YBEY: variants seen among roughly 807,000 people sequenced by gnomAD.
YBEY encodes ybeY metalloendoribonuclease.
YBEY carries 15 observed loss-of-function variants against 13.5 expected under a neutral mutation model. The observed-to-expected ratio is 1.11, with a 90% confidence interval of 0.75 to 1.72. The LOEUF (loss-of-function observed/expected upper bound fraction) is 1.72. YBEY is among the 40% of genes most tolerant of loss of function. The probability of loss-of-function intolerance (pLI) is 0.00; values close to 1 mark genes in which losing one functional copy is unlikely to be tolerated. For synonymous variants in YBEY, 101 were observed against 83.1 expected (o/e 1.21, Z -1.17); for missense variants, 244 against 208.4 (o/e 1.17, Z -1.05).
At chr21:46,301,603 C>T (rs1056617846), downstream of YBEY, 608 of 1,012,686 alleles carry the variant, frequency 6.0e-4, no homozygotes, top group Non-Finnish European at 6.2e-4. Flanking sequence ...TTTTCTTAAA[C>T]TCTTTCTGGA....
At chr21:46,309,553 T>G in the YBEY span, among the ~76,000 whole-genome samples, 2 of 151,820 alleles carry the variant, frequency 1.3e-5, no homozygotes, top group Non-Finnish European at 2.9e-5. Context: ...CATAACAAAC[T>G]GATATATTCA....
chr21:46,309,682 G>T, the YBEY span, among the ~76,000 whole-genome samples: 2 of 151,988 alleles, frequency 1.3e-5, no homozygotes, highest in Non-Finnish European at 1.5e-5. Flanking sequence ...TACATACTGT[G>T]TAGACCATTT....
intron 3 of YBEY, 86 bp downstream of exon 3, chr21:46,291,548 TGTGTCCGTGG>T: frequency 3.2e-6 from 5 of 1,575,156 alleles, no homozygotes; most frequent in Non-Finnish European, 4.3e-6. Context: ...TGCATCCATG[TGTGTCCGTGG>T]GTACCGTAAG....
downstream of YBEY, among the ~76,000 whole-genome samples, chr21:46,302,730 C>T (rs1014158625): frequency 6.7e-6 from 1 of 149,636 alleles, no homozygotes; most frequent in African/African-American, 2.5e-5. Context: ...GGTGCGGGTC[C>T]CCGGGGCGCG....
chr21:46,309,925 G>A, the YBEY span, among the ~76,000 whole-genome samples: 1 of 151,956 alleles, frequency 6.6e-6, no homozygotes, highest in African/African-American at 2.4e-5. Flanking sequence ...AAACCTGGAG[G>A]GGCAGAGGTT....
At chr21:46,287,214 G>A (rs2081481576) in intron 2 of YBEY, 91 bp downstream of exon 2, 4 of 1,269,228 alleles carry the variant, frequency 3.2e-6, no homozygotes, top group East Asian at 2.5e-5. Context: ...TTTTTTAATT[G>A]AGACGGAGTC....
chr21:46,291,871 C>T, intron 3 of YBEY: 1 of 1,027,982 alleles, frequency 9.7e-7, no homozygotes, highest in Non-Finnish European at 1.2e-6. Flanking sequence ...ACTGCACAGA[C>T]AAAACCAATT....
At chr21:46,310,684 C>T in the YBEY span, among the ~76,000 whole-genome samples, 2 of 151,272 alleles carry the variant, frequency 1.3e-5, no homozygotes, top group Admixed American at 1.3e-4. Flanking sequence ...TGGTGCAGGC[C>T]TACAGTTCCA....
At chr21:46,299,306 C>T (rs1411329431), downstream of YBEY, among the ~76,000 whole-genome samples, 2 of 152,108 alleles carry the variant, frequency 1.3e-5, no homozygotes, top group South Asian at 2.1e-4. Context: ...AGCAAATGCC[C>T]TTCTGACCTG....
downstream of YBEY, among the ~76,000 whole-genome samples, chr21:46,298,175 T>C (rs2082012387): frequency 2.0e-5 from 3 of 152,318 alleles, no homozygotes; most frequent in Admixed American, 2.0e-4. Context: ...GCGTGAGTTC[T>C]AAAGCCTGGG....
chr21:46,307,218 C>T, the YBEY span, among the ~76,000 whole-genome samples: 6 of 152,104 alleles, frequency 3.9e-5, no homozygotes, highest in Middle Eastern at 0.01. Flanking sequence ...TGCTATGTTG[C>T]CCAGGCTGGT....
At chr21:46,308,554 G>A in the YBEY span, among the ~76,000 whole-genome samples, 2 of 152,194 alleles carry the variant, frequency 1.3e-5, no homozygotes, top group African/African-American at 4.8e-5. Context: ...GAAAGACTGA[G>A]GCAGGAATGT....
chr21:46,297,466 C>T, intron 4 of YBEY, 73 bp from the exon 5 acceptor site: 1 of 1,281,408 alleles, frequency 7.8e-7, no homozygotes, highest in Non-Finnish European at 1.0e-6. Flanking sequence ...AGGGGCATCC[C>T]GAGGAGGCGA....
At chr21:46,308,289 C>G in the YBEY span, among the ~76,000 whole-genome samples, 1 of 152,158 alleles carries the variant, frequency 6.6e-6, no homozygotes, top group South Asian at 2.1e-4. Flanking sequence ...GGAGAAACCC[C>G]GTCTCTACTA....
chr21:46,294,364 G>T (rs2081864559), intron 3 of YBEY, among the ~76,000 whole-genome samples: 1 of 82,750 alleles, frequency 1.2e-5, no homozygotes, highest in African/African-American at 4.0e-5. Context: ...TTCCTCCCGC[G>T]GTTAGCCTGA....
At chr21:46,287,148 T>C in intron 2 of YBEY, 25 bp downstream of exon 2, 1 of 1,274,878 alleles carries the variant, frequency 7.8e-7, no homozygotes, top group South Asian at 1.3e-5. Context: ...TTCCTCTTCT[T>C]GTCTAGCCCA....
downstream of YBEY, chr21:46,302,112 G>A: frequency 6.6e-7 from 1 of 1,525,644 alleles, no homozygotes; most frequent in Non-Finnish European, 8.8e-7. Context: ...GGCAGCCTTG[G>A]CCTGGCAGCT....
In YBEY at chr21:46,291,475, G is replaced by A. The variant is rs777195677; in HGVS notation, c.339+13G>A. The A allele has an allele frequency of 3.1e-6, 5 of 1,613,208 alleles. No individual in the cohort carries two copies. The highest frequency in any genetic ancestry group is 1.3e-5 in the African/African-American group (1 of 74,868). ...TGACGTCCTGACTGTAAGCGGGGATGCTGAAATCATATAACCTGGCTCATG... is the reference window on the plus strand; with the variant it reads ...TGACGTCCTGACTGTAAGCGGGGATACTGAAATCATATAACCTGGCTCATG... On this transcript the variant is annotated intron_variant, in intron 3 of 4. Transcript: ENST00000397701.
At chr21:46,311,700 C>A in the YBEY span, 4 of 471,600 alleles carry the variant, frequency 8.5e-6, no homozygotes, top group Admixed American at 1.0e-4. Flanking sequence ...TCCAACCAAC[C>A]AACCAACCAA....
Sources: gnomAD v4.1 joint callset for allele counts (sites outside exome capture counted in the v4.1 genomes callset) on GRCh38, gnomAD v4.1.1 for gene constraint, MANE v1.5 for transcripts, NCBI Gene and HGNC (gene_info 2026-07-23, HGNC 2026-07-21) for gene names.